BTN3A1: variants seen among roughly 807,000 people sequenced by gnomAD.
The protein encoded by BTN3A1 is butyrophilin subfamily 3 member A1.
Under a neutral mutation model 43.0 loss-of-function variants are expected in BTN3A1, and 24 were observed. The ratio of observed to expected loss-of-function variants is 0.56; its 90% confidence interval spans 0.40 to 0.78. The LOEUF is 0.78. BTN3A1 is among the 30% of genes least tolerant of loss of function. The pLI is 0.00. For synonymous variants in BTN3A1, 181 were observed against 234.7 expected (o/e 0.77, Z 2.09); for missense variants, 533 against 626.2 (o/e 0.85, Z 1.59).
At chr6:26,410,182 T>G in intron 7 of BTN3A1, 150 bp downstream of exon 7, 1 of 901,034 alleles carries the variant, frequency 1.1e-6, no homozygotes. Context: ...TCCTAGTCAT[T>G]GCCAAAAAGA....
intron 7 of BTN3A1, 94 bp from the exon 8 acceptor site, chr6:26,411,015 A>AG: frequency 1.8e-6 from 2 of 1,100,980 alleles, no homozygotes; most frequent in Non-Finnish European, 2.5e-6. Flanking sequence ...AAAAAAAAAA[A>AG]AAAAAAAAGA....
At chr6:26,412,985 A>T in intron 9 of BTN3A1, 184 bp from the exon 10 acceptor site, 1 of 1,459,056 alleles carries the variant, frequency 6.9e-7, no homozygotes, top group Admixed American at 2.8e-5. Flanking sequence ...CCCTCTGGAC[A>T]CAAGATACCT....
chr6:26,412,993 C>A, intron 9 of BTN3A1, 176 bp from the exon 10 acceptor site: 2 of 1,461,008 alleles, frequency 1.4e-6, no homozygotes, highest in Non-Finnish European at 1.8e-6. Context: ...ACACAAGATA[C>A]CTGATACCTG....
chr6:26,403,803 C>A (rs1207717978), intron 1 of BTN3A1, among the ~76,000 whole-genome samples: 1 of 152,124 alleles, frequency 6.6e-6, no homozygotes, highest in Non-Finnish European at 1.5e-5. Flanking sequence ...GGATTACAGG[C>A]ATGAACCACT....
In BTN3A1 at chr6:26,406,084, C is replaced by T. The variant is rs1162192610; in HGVS notation, c.261C>T (p.Asp87=). ...NVYADGKEVE[D]RQSAPYRGRT... ...ATGCAGATGGAAAGGAAGTGGAAGACAGGCAGAGTGCACCGTATCGAGGGA... is the reference window on the plus strand; with the variant it reads ...ATGCAGATGGAAAGGAAGTGGAAGATAGGCAGAGTGCACCGTATCGAGGGA... Residue 87 remains aspartate (D), a synonymous_variant, in exon 3 of 10, where the codon GAC becomes GAT. Coordinates refer to ENST00000289361, the MANE Select transcript of BTN3A1 (RefSeq NM_007048.6). 1 of 1,602,852 alleles carries T rather than the reference C, an allele frequency of 6.2e-7. No homozygotes were observed. The highest frequency in any genetic ancestry group is 8.5e-7 in the Non-Finnish European group (1 of 1,174,778).
intron 5 of BTN3A1, 38 bp from the exon 6 acceptor site, chr6:26,409,856 C>T: frequency 6.2e-7 from 1 of 1,614,112 alleles, no homozygotes; most frequent in Non-Finnish European, 8.5e-7. Flanking sequence ...AACCCCCTCA[C>T]CTGTAACAGT....
Position 26,413,911 on chromosome 6 carries a change from A to C in BTN3A1, c.*219A>C. 5 of 730,700 alleles carry C rather than the reference A, an allele frequency of 6.8e-6. No homozygotes were observed. Among genetic ancestry groups the C allele is most frequent in the South Asian group, 1.8e-5 (1 of 56,378 alleles). 45.3% of individuals were successfully genotyped at this position (730,700 alleles called of 1,614,324 possible). A position where few individuals can be genotyped will look rare whatever the true frequency, so the allele number is the denominator to read the frequency against. On this transcript the variant is annotated 3_prime_UTR_variant, in exon 10 of 10. Coordinates refer to ENST00000289361, the MANE Select transcript of BTN3A1 (RefSeq NM_007048.6). ...GCACTGAAGCACTTTACTGATACTC[A>C]TTCAATTATTCATATGACAGTTGTT...
At chr6:26,410,591 T>G (rs1762175521) in intron 7 of BTN3A1, among the ~76,000 whole-genome samples, 1 of 151,818 alleles carries the variant, frequency 6.6e-6, no homozygotes, top group Non-Finnish European at 1.5e-5. Context: ...GGTACCAATT[T>G]ATTCTAACTG....
In BTN3A1 at chr6:26,402,461, CAG is replaced by C. The variant is rs892530320; in HGVS notation, c.-193+50_-193+51del. 3.4e-4 allele frequency: 52 copies of C among 152,280 alleles called. 2 individuals are homozygous for C. The highest frequency in any genetic ancestry group is 8.8e-5 in the Non-Finnish European group (6 of 68,088). The allele number at this position is 152,280 out of a possible 1,614,324, so 9.4% of individuals were successfully genotyped here. ...GCCTGGTTCACAATGCCTGGGAGGACAGGGGCTGAATCGCTGAGAGTGGTGAG... is the reference window on the plus strand; with the variant it reads ...GCCTGGTTCACAATGCCTGGGAGGACGGGCTGAATCGCTGAGAGTGGTGAG... On this transcript the variant is annotated intron_variant, in intron 1 of 9. Transcript: ENST00000289361.
At chr6:26,411,242 T>A in intron 8 of BTN3A1, 107 bp downstream of exon 8, 1 of 1,409,972 alleles carries the variant, frequency 7.1e-7, no homozygotes, top group Non-Finnish European at 9.7e-7. Context: ...GAATCAGATT[T>A]AACCCAAAGA....
rs987858734 is a variant in BTN3A1, at chr6:26,411,535, C to T, written c.992-20C>T. Reference sequence around the variant, plus strand: ...ACAAGAATACTGACCTTTTCCTTATCTGTGTCTCCTTCCTTTCAGAATGGA... The same window carrying T: ...ACAAGAATACTGACCTTTTCCTTATTTGTGTCTCCTTCCTTTCAGAATGGA... On this transcript the variant is annotated intron_variant, in intron 8 of 9. Transcript: ENST00000289361. 51 of 1,612,772 alleles carry T rather than the reference C, an allele frequency of 3.2e-5. No individual in the cohort carries two copies. The highest frequency in any genetic ancestry group is 4.2e-5 in the Non-Finnish European group (50 of 1,179,136).
chr6:26,411,466 G>T lies in BTN3A1; in HGVS notation c.992-89G>T. On this transcript the variant is annotated intron_variant, in intron 8 of 9. Coordinates refer to ENST00000289361, the MANE Select transcript of BTN3A1 (RefSeq NM_007048.6). ...ACCCTGGAAGAGACTCTGAAGAAAA[G>T]GAGAGAAAACATGTAGTGAGGGGAG... is the stretch of plus-strand genomic sequence containing the variant. The T allele has an allele frequency of 4.8e-6, 7 of 1,472,698 alleles. No homozygotes were observed. The South Asian group carries it at 5.8e-5, about 12-fold the overall frequency. 91.2% of individuals were successfully genotyped at this position (1,472,698 alleles called of 1,614,324 possible).
intron 1 of BTN3A1, among the ~76,000 whole-genome samples, chr6:26,403,346 G>A (rs1049097572): frequency 9.9e-5 from 15 of 152,162 alleles, no homozygotes; most frequent in Non-Finnish European, 1.3e-4. Flanking sequence ...GATTACAGGC[G>A]TGAGCCACCA....
chr6:26,407,128 G>A (rs1344480826), intron 3 of BTN3A1, among the ~76,000 whole-genome samples: 1 of 152,194 alleles, frequency 6.6e-6, no homozygotes, highest in African/African-American at 2.4e-5. Flanking sequence ...ATCTGATGCT[G>A]GTGTTCTGTG....
Position 26,407,956 on chromosome 6 carries a change from A to G in BTN3A1, c.715+4A>G. 1.2e-6 allele frequency: 2 copies of G among 1,613,456 alleles called. No individual in the cohort carries two copies. Among genetic ancestry groups the G allele is most frequent in the Non-Finnish European group, 1.7e-6 (2 of 1,179,458 alleles). On this transcript the variant is annotated splice_donor_region_variant and intron_variant, in intron 4 of 9. Transcript: ENST00000289361. The stretch of plus-strand genomic sequence containing the variant: ...ACAGCCAGCATTTCCATCGCAGGTC[A>G]GTACCTGCTTGGCCTCAGGTTTTCT...
intron 7 of BTN3A1, 84 bp from the exon 8 acceptor site, chr6:26,411,025 A>AAAAAAAAAAATT: frequency 6.3e-6 from 5 of 796,978 alleles, no homozygotes; most frequent in Non-Finnish European, 5.9e-6. Context: ...AAAAAAAAAG[A>AAAAAAAAAAATT]TTAGATGGAT....
Position 26,412,859 on chromosome 6 carries a change from A to C in BTN3A1, c.1019-310A>C, listed in dbSNP as rs75403944. 4.3e-3 allele frequency: 6,574 copies of C among 1,519,760 alleles called. 130 individuals carry two copies. The highest frequency in any genetic ancestry group is 0.037 in the South Asian group (2,942 of 78,990). 94.1% of individuals were successfully genotyped at this position (1,519,760 alleles called of 1,614,324 possible). A position where few individuals can be genotyped will look rare whatever the true frequency, so the allele number is the denominator to read the frequency against. On this transcript the variant is annotated intron_variant, in intron 9 of 9. Coordinates refer to ENST00000289361, the MANE Select transcript of BTN3A1 (RefSeq NM_007048.6). ...TATAAAGCATTAGTGGGCAGAGTGA[A>C]TATGGGGAGGGAAACAAGAAAAACG... is the stretch of plus-strand genomic sequence containing the variant.
At position 26,413,865 on chromosome 6, in the gene BTN3A1, C is replaced by G; in HGVS notation, c.*173C>G. The G allele has an allele frequency of 7.9e-7, 1 of 1,270,092 alleles. No individual in the cohort carries two copies. Among genetic ancestry groups the G allele is most frequent in the African/African-American group, 1.5e-5 (1 of 67,554 alleles). The allele number at this position is 1,270,092 out of a possible 1,614,324, so 78.7% of individuals were successfully genotyped here. On this transcript the variant is annotated 3_prime_UTR_variant, in exon 10 of 10. Transcript: ENST00000289361. The stretch of plus-strand genomic sequence containing the variant: ...CCTCCCCCTCCACAGCAACCAATCA[C>G]AACCATAAAGCTACAAGCACGCACT...
At chr6:26,411,472 A>G in intron 8 of BTN3A1, 83 bp from the exon 9 acceptor site, 1 of 1,495,648 alleles carries the variant, frequency 6.7e-7, no homozygotes, top group African/African-American at 1.4e-5. Context: ...AAAAGGAGAG[A>G]AAACATGTAG....
Sources: gnomAD v4.1 joint callset for allele counts (sites outside exome capture counted in the v4.1 genomes callset) on GRCh38, gnomAD v4.1.1 for gene constraint, MANE v1.5 for transcripts, NCBI Gene and HGNC (gene_info 2026-07-23, HGNC 2026-07-21) for gene names.